The following RNF217 variants were observed in gnomAD, a reference collection of about 807,000 sequenced individuals.
RNF217 encodes the protein ring finger protein 217, also known as E3 ubiquitin-protein ligase RNF217.
RNF217 carries 31 observed loss-of-function variants against 57.8 expected under a neutral mutation model. The observed-to-expected ratio is 0.54, with a 90% confidence interval of 0.40 to 0.72. The LOEUF (loss-of-function observed/expected upper bound fraction) is 0.72. RNF217 is among the 30% of genes least tolerant of loss of function. The pLI, the probability that RNF217 is intolerant of heterozygous loss-of-function variation, is 0.00. For synonymous variants in RNF217, 313 were observed against 294.0 expected (o/e 1.06, Z -0.66); for missense variants, 696 against 708.3 (o/e 0.98, Z 0.20).
chr6:124,978,484 G>A (rs899064631), intron 1 of RNF217, among the ~76,000 whole-genome samples: 7 of 151,500 alleles, frequency 4.6e-5, no homozygotes, highest in Admixed American at 3.3e-4. Context: ...GCCAGCAGTC[G>A]TGGAGCCCCA....
intron 1 of RNF217, among the ~76,000 whole-genome samples, chr6:124,973,194 CA>C (rs1351948206): frequency 5.2e-4 from 79 of 152,284 alleles, no homozygotes; most frequent in African/African-American, 1.8e-3. Flanking sequence ...GATCCCAGCT[CA>C]TAACACTGTG....
At chr6:125,036,394 C>T (rs903515798) in intron 1 of RNF217, among the ~76,000 whole-genome samples, 1 of 152,148 alleles carries the variant, frequency 6.6e-6, no homozygotes, top group African/African-American at 2.4e-5. Flanking sequence ...CATACGTGTG[C>T]ATGTGTCTTT....
At chr6:125,049,145 C>T (rs568290322) in intron 2 of RNF217, among the ~76,000 whole-genome samples, 23 of 151,988 alleles carry the variant, frequency 1.5e-4, no homozygotes, top group South Asian at 4.2e-4. Context: ...CAACAGCAAC[C>T]GCTTATCAAT....
chr6:125,004,207 G>T (rs1043147189), intron 1 of RNF217, among the ~76,000 whole-genome samples: 11 of 152,200 alleles, frequency 7.2e-5, no homozygotes, highest in Non-Finnish European at 1.3e-4. Flanking sequence ...CCCTTTTGTT[G>T]TAGGGCACAC....
At chr6:125,030,244 C>T (rs1429451866) in intron 1 of RNF217, among the ~76,000 whole-genome samples, 1 of 152,142 alleles carries the variant, frequency 6.6e-6, no homozygotes, top group Non-Finnish European at 1.5e-5. Flanking sequence ...GTTGAGATTT[C>T]AGTGGGGGCA....
At chr6:125,054,204 A>G (rs1391530008) in intron 2 of RNF217, among the ~76,000 whole-genome samples, 2 of 152,182 alleles carry the variant, frequency 1.3e-5, no homozygotes, top group Non-Finnish European at 2.9e-5. Flanking sequence ...AATAGGGAAG[A>G]CATCTTGAAG....
intron 2 of RNF217, among the ~76,000 whole-genome samples, chr6:125,053,564 G>A (rs1582756793): frequency 6.6e-6 from 1 of 152,092 alleles, no homozygotes; most frequent in East Asian, 1.9e-4. Flanking sequence ...GGGGTATCTA[G>A]AATTTAGGCA....
intron 1 of RNF217, among the ~76,000 whole-genome samples, chr6:125,011,661 G>C (rs1332935784): frequency 6.6e-6 from 1 of 152,158 alleles, no homozygotes; most frequent in Non-Finnish European, 1.5e-5. Flanking sequence ...TTATATGAGA[G>C]AGCAAGGAGT....
intron 3 of RNF217, among the ~76,000 whole-genome samples, chr6:125,064,031 C>G (rs1051850915): frequency 1.3e-5 from 2 of 152,148 alleles, no homozygotes; most frequent in African/African-American, 4.8e-5. Context: ...TCTTTTATAT[C>G]TGTGGCTATG....
Position 124,962,446 on chromosome 6 carries a change from GC to G in RNF217, c.-97del. ...GGAAGGACCCGGAAGCAGAAGCGGA[GC>G]CGCGAGTCGAGCCGAGCCACTGCCC... is the stretch of plus-strand genomic sequence containing the variant. On this transcript the variant is annotated 5_prime_UTR_variant, in exon 1 of 6. Coordinates refer to ENST00000521654, the MANE Select transcript of RNF217 (RefSeq NM_001286398.3). The surrounding 1 kb of genome is among the most constrained non-coding windows in gnomAD (Gnocchi z 4.6). The G allele has an allele frequency of 2.4e-6, 1 of 410,370 alleles. No homozygotes were observed. Among genetic ancestry groups the G allele is most frequent in the Non-Finnish European group, 3.6e-6 (1 of 279,282 alleles). 25.4% of individuals were successfully genotyped at this position (410,370 alleles called of 1,614,324 possible).
chr6:124,981,581 T>C (rs1252458157), intron 1 of RNF217, among the ~76,000 whole-genome samples: 1 of 152,184 alleles, frequency 6.6e-6, no homozygotes, highest in African/African-American at 2.4e-5. Flanking sequence ...TGAATCTGCC[T>C]TTTTACATAA....
intron 5 of RNF217, chr6:125,082,299 T>C: frequency 4.0e-6 from 3 of 751,654 alleles, no homozygotes; most frequent in Non-Finnish European, 5.9e-6. Context: ...TGGGGTTTTT[T>C]TGCTAAATAA....
Position 125,046,402 on chromosome 6 carries a change from G to A in RNF217, c.1116+958G>A, listed in dbSNP as rs1393318990. Among the ~76,000 whole-genome samples the A allele has an allele frequency of 2.6e-5, 4 of 152,068 alleles. No homozygotes were observed. The East Asian group carries it at 7.7e-4, about 29-fold the overall frequency. On this transcript the variant is annotated intron_variant, in intron 2 of 5. Coordinates refer to ENST00000521654, the MANE Select transcript of RNF217 (RefSeq NM_001286398.3). ...AACCAAGGCAACAACTGTGACAGCAGAGCATTGATTCACAGCCCTGATTGT... is the reference window on the plus strand; with the variant it reads ...AACCAAGGCAACAACTGTGACAGCAAAGCATTGATTCACAGCCCTGATTGT...
rs112194178 is a variant in RNF217, at chr6:125,050,320, C to T, written c.1116+4876C>T. Among the ~76,000 whole-genome samples, 444 of 152,008 alleles carry T rather than the reference C, an allele frequency of 2.9e-3. 2 individuals carry two copies. The highest frequency in any genetic ancestry group is 0.01 in the African/African-American group (427 of 41,502). ...AAGACTAATAATCCCCATTCTTCTT[C>T]CCACAAATGTTAAGCAGAATCTTGA... On this transcript the variant is annotated intron_variant, in intron 2 of 5. Transcript: ENST00000521654.
intron 1 of RNF217, among the ~76,000 whole-genome samples, chr6:125,015,252 A>G (rs1258936743): frequency 9.2e-5 from 14 of 152,218 alleles, no homozygotes; most frequent in African/African-American, 2.4e-4. Context: ...ATTACTTTAC[A>G]CCCCTGTAAA....
intron 1 of RNF217, among the ~76,000 whole-genome samples, chr6:124,973,597 A>G (rs1215387554): frequency 2.6e-5 from 4 of 152,210 alleles, no homozygotes; most frequent in African/African-American, 9.7e-5. Context: ...TAAGGTAACT[A>G]TTTGAATCGG....
intron 1 of RNF217, among the ~76,000 whole-genome samples, chr6:125,001,301 C>T (rs1784972137): frequency 6.6e-6 from 1 of 152,022 alleles, no homozygotes. Context: ...TGTTTGTTCT[C>T]CCTTGCCCAG....
In RNF217 at chr6:124,962,486, G is replaced by A. The variant is rs1219615066; in HGVS notation, c.-59G>A. 8.2e-6 allele frequency: 7 copies of A among 852,474 alleles called. No individual in the cohort carries two copies. Among genetic ancestry groups the A allele is most frequent in the Non-Finnish European group, 1.0e-5 (7 of 674,132 alleles). The allele number at this position is 852,474 out of a possible 1,614,324, so 52.8% of individuals were successfully genotyped here. ...GAGCCACTGCCCCCGCTGCCCGCGG[G>A]CGCCGGGTGGGGGTCCCGGCGGCTG... On this transcript the variant is annotated 5_prime_UTR_variant, in exon 1 of 6. Coordinates refer to ENST00000521654, the MANE Select transcript of RNF217 (RefSeq NM_001286398.3). The surrounding 1 kb of genome is among the most constrained non-coding windows in gnomAD (Gnocchi z 4.6).
rs543443438 is a variant in RNF217, at chr6:125,001,489, TA to T, written c.882+38064del. On this transcript the variant is annotated intron_variant, in intron 1 of 5. Coordinates refer to ENST00000521654, the MANE Select transcript of RNF217 (RefSeq NM_001286398.3). ...AACATGGCAGATAAAGACGTAATGA[TA>T]TGTTTTGTCAACTAGTAATTAAAAT... Among the ~76,000 whole-genome samples, 222 of 152,312 alleles carry T rather than the reference TA, an allele frequency of 1.5e-3. 1 individual carries two copies. Among genetic ancestry groups the T allele is most frequent in the African/African-American group, 4.9e-3 (205 of 41,564 alleles).
Sources: gnomAD v4.1 joint callset for allele counts (sites outside exome capture counted in the v4.1 genomes callset) on GRCh38, gnomAD v4.1.1 for gene constraint, Gnocchi (gnomAD v3.1) non-coding constraint, MANE v1.5 for transcripts, NCBI Gene and HGNC (gene_info 2026-07-23, HGNC 2026-07-21) for gene names.